The following SERINC5 variants were observed in gnomAD, a reference collection of about 807,000 sequenced individuals.
SERINC5 encodes chromosome 5 open reading frame 12.
In SERINC5, 41 loss-of-function variants were observed where a neutral mutation model predicts 63.1. The ratio of observed to expected loss-of-function variants is 0.65; its 90% CI spans 0.51 to 0.84. The LOEUF is 0.84. SERINC5 is among the 40% of genes least tolerant of loss of function. The pLI, the probability that SERINC5 is intolerant of heterozygous loss-of-function variation, is 0.00. For missense variants in SERINC5, 523 were observed against 573.0 expected, an observed-to-expected ratio of 0.91 and a Z score of 0.89; for synonymous variants, 222 against 215.2, an observed-to-expected ratio of 1.03 and a Z score of -0.28.
intron 9 of SERINC5, among the ~76,000 whole-genome samples, chr5:80,148,120 G>A (rs367807175): frequency 4.6e-5 from 7 of 151,998 alleles, no homozygotes; most frequent in Non-Finnish European, 8.8e-5. Flanking sequence ...GCTGTTGCAC[G>A]GGCCGTGGGC....
intron 11 of SERINC5, among the ~76,000 whole-genome samples, chr5:80,114,058 T>C (rs894325293): frequency 6.6e-6 from 1 of 152,004 alleles, no homozygotes; most frequent in African/African-American, 2.4e-5. Flanking sequence ...CCTAGCCCCA[T>C]TTCTTCAGCA....
At chr5:80,165,990 C>T (rs1292694363) in intron 7 of SERINC5, among the ~76,000 whole-genome samples, 1 of 152,118 alleles carries the variant, frequency 6.6e-6, no homozygotes, top group African/African-American at 2.4e-5. Flanking sequence ...ACATAGTAGG[C>T]GTACATATTT....
intron 10 of SERINC5, among the ~76,000 whole-genome samples, chr5:80,146,457 T>A (rs113075622): frequency 0.043 from 6,564 of 152,174 alleles, 479 homozygotes; most frequent in African/African-American, 0.15. Flanking sequence ...TTATTTTTAT[T>A]TATTTATTTT....
chr5:80,172,993 G>A (rs1322746808), intron 5 of SERINC5, among the ~76,000 whole-genome samples: 1 of 152,036 alleles, frequency 6.6e-6, no homozygotes, highest in Non-Finnish European at 1.5e-5. Context: ...GGTCTAACTG[G>A]TATCTCAAAC....
chr5:80,138,623 T>G, downstream of SERINC5: 1 of 175,758 alleles, frequency 5.7e-6, no homozygotes. Flanking sequence ...AAAATTACTG[T>G]GAGTAGATTT....
intron 2 of SERINC5, chr5:80,198,620 C>A (rs1749646571): frequency 1.0e-6 from 1 of 985,416 alleles, no homozygotes; most frequent in Non-Finnish European, 1.2e-6. Flanking sequence ...ACTTCCACGG[C>A]CAACAAAGAG....
At chr5:80,170,389 T>C (rs1747573086) in intron 5 of SERINC5, among the ~76,000 whole-genome samples, 1 of 152,104 alleles carries the variant, frequency 6.6e-6, no homozygotes, top group Admixed American at 6.6e-5. Context: ...GCCATCCGGG[T>C]TGCATGGGGC....
intron 1 of SERINC5, 110 bp from the exon 2 acceptor site, chr5:80,203,163 G>A: frequency 9.1e-7 from 1 of 1,101,404 alleles, no homozygotes; most frequent in Non-Finnish European, 1.3e-6. Context: ...CGGGGGGCTG[G>A]AGGATCACTT....
In SERINC5 at chr5:80,204,571, A is replaced by G. The variant is rs114281945; in HGVS notation, c.28-1518T>C. Among the ~76,000 whole-genome samples the G allele has an allele frequency of 1.6e-3, 245 of 152,336 alleles. 2 individuals are homozygous for G. The highest frequency in any genetic ancestry group is 5.7e-3 in the African/African-American group (235 of 41,576). Reference sequence around the variant, plus strand: ...TCGGAATTGTTCTGGTGCTATCTTTAATGACAACCATCAATGGTTTGGGAG... The same window carrying G: ...TCGGAATTGTTCTGGTGCTATCTTTGATGACAACCATCAATGGTTTGGGAG... On this transcript the variant is annotated intron_variant, in intron 1 of 11. Transcript: ENST00000507668.
intron 8 of SERINC5, among the ~76,000 whole-genome samples, chr5:80,153,392 A>G (rs111722996): frequency 0.054 from 8,205 of 151,736 alleles, 764 homozygotes; most frequent in African/African-American, 0.19. Context: ...CGGGAGGCAG[A>G]TGTTGCAGGA....
intron 1 of SERINC5, among the ~76,000 whole-genome samples, chr5:80,220,286 C>A (rs1432937038): frequency 6.6e-6 from 1 of 151,870 alleles, no homozygotes; most frequent in Non-Finnish European, 1.5e-5. Flanking sequence ...GGTGTTCCCT[C>A]TACTTTTTAA....
intron 2 of SERINC5, among the ~76,000 whole-genome samples, chr5:80,178,587 C>T (rs1748208290): frequency 1.4e-5 from 2 of 140,384 alleles, no homozygotes; most frequent in South Asian, 4.6e-4. Flanking sequence ...GTCATGTTGC[C>T]CAGACTGGTC....
intron 2 of SERINC5, among the ~76,000 whole-genome samples, chr5:80,187,524 C>T (rs1748888662): frequency 6.6e-6 from 1 of 151,882 alleles, no homozygotes; most frequent in Non-Finnish European, 1.5e-5. Flanking sequence ...CTAAAATCAG[C>T]TTCCCTCTTT....
rs1322574927 is a variant in SERINC5, at chr5:80,139,185, A to G, written c.*4478T>C. ...CAGCTAATCGTTTCAGAAAAGTTTAAAAAATTAGCAAAGTTATATCTATAA... is the reference window on the plus strand; with the variant it reads ...CAGCTAATCGTTTCAGAAAAGTTTAGAAAATTAGCAAAGTTATATCTATAA... On this transcript the variant is annotated 3_prime_UTR_variant, in exon 12 of 12. Transcript: ENST00000507668. The G allele has an allele frequency of 1.0e-6, 1 of 983,310 alleles. No individual in the cohort carries two copies. Among genetic ancestry groups the G allele is most frequent in the African/African-American group, 1.7e-5 (1 of 57,198 alleles). 60.9% of individuals were successfully genotyped at this position (983,310 alleles called of 1,614,324 possible).
chr5:80,112,536 C>T (rs1024494811), intron 12 of SERINC5, among the ~76,000 whole-genome samples: 1 of 152,162 alleles, frequency 6.6e-6, no homozygotes, highest in Admixed American at 6.5e-5. Context: ...GAGCGCCAGT[C>T]TGCTGGGCCC....
At chr5:80,186,730 G>A (rs1417046678) in intron 2 of SERINC5, among the ~76,000 whole-genome samples, 2 of 152,220 alleles carry the variant, frequency 1.3e-5, no homozygotes, top group Admixed American at 6.5e-5. Context: ...AAGACCTACA[G>A]GTCTAATTGG....
chr5:80,229,898 C>T (rs77306052), intron 1 of SERINC5, among the ~76,000 whole-genome samples: 14,041 of 152,200 alleles, frequency 0.092, 867 homozygotes, highest in Non-Finnish European at 0.13. Flanking sequence ...GTTTTCAAGG[C>T]ACTTAGAACG....
intron 11 of SERINC5, among the ~76,000 whole-genome samples, chr5:80,131,578 C>T (rs75614809): frequency 0.088 from 13,414 of 152,006 alleles, 734 homozygotes; most frequent in East Asian, 0.2. Context: ...AGCAAGGAAG[C>T]CAGTAATGCT....
At chr5:80,189,740 C>A (rs900039077) in intron 2 of SERINC5, among the ~76,000 whole-genome samples, 3 of 152,064 alleles carry the variant, frequency 2.0e-5, no homozygotes, top group Non-Finnish European at 4.4e-5. Flanking sequence ...GAGAAGGGGT[C>A]TTGCTCTGTC....
Sources: gnomAD v4.1 joint callset for allele counts (sites outside exome capture counted in the v4.1 genomes callset) on GRCh38, gnomAD v4.1.1 for gene constraint, MANE v1.5 for transcripts, NCBI Gene and HGNC (gene_info 2026-07-23, HGNC 2026-07-21) for gene names.